Variants in FBXL14 observed in about 807,000 individuals in gnomAD.
FBXL14 encodes the protein F-box/LRR-repeat protein 14.
Under a neutral mutation model 24.5 loss-of-function variants are expected in FBXL14, and 11 were observed. The observed-to-expected ratio is 0.45, with a 90% confidence interval of 0.28 to 0.74. The LOEUF (loss-of-function observed/expected upper bound fraction) is 0.74, where lower values mean the gene tolerates loss of function less well. Among genes scored for constraint, FBXL14 ranks in the 30% least tolerant of loss-of-function variants. FBXL14 has a pLI of 0.12. For synonymous variants in FBXL14, 294 were observed against 240.4 expected (o/e 1.22, Z -2.06); for missense variants, 384 against 545.6 (o/e 0.70, Z 2.95).
intron 1 of FBXL14, among the ~76,000 whole-genome samples, chr12:1,589,453 AAAGAC>A (rs1431856745): frequency 5.1e-5 from 7 of 136,814 alleles, no homozygotes; most frequent in East Asian, 4.0e-4. Flanking sequence ...AAAAAAAAAA[AAAGAC>A]AGGAAGGCAG....
At chr12:1,580,882 G>GC (rs2094464938) in intron 1 of FBXL14, among the ~76,000 whole-genome samples, 1 of 152,136 alleles carries the variant, frequency 6.6e-6, no homozygotes. Flanking sequence ...TAGTTTCTCT[G>GC]CAAGTTCCTG....
intron 1 of FBXL14, among the ~76,000 whole-genome samples, chr12:1,585,481 C>A (rs1195246840): frequency 6.6e-6 from 1 of 151,942 alleles, no homozygotes; most frequent in Non-Finnish European, 1.5e-5. Context: ...ATATTATGAA[C>A]CTTGGTAGGA....
At chr12:1,581,201 A>G (rs2094465601) in intron 1 of FBXL14, among the ~76,000 whole-genome samples, 2 of 142,576 alleles carry the variant, frequency 1.4e-5, no homozygotes, top group South Asian at 5.2e-4. Flanking sequence ...GGGCGAATGG[A>G]CACCTTTAGG....
chr12:1,592,951 G>A lies in FBXL14; in HGVS notation c.1116C>T (p.Arg372=). 6.2e-7 allele frequency: 1 copy of A among 1,612,946 alleles called. No homozygotes were observed. The highest frequency in any genetic ancestry group is 8.5e-7 in the Non-Finnish European group (1 of 1,179,550). Residue 372 remains arginine, a synonymous_variant, in exon 1 of 2, where the codon CGC becomes CGT. Transcript: ENST00000339235. The part of the protein sequence containing the change: ...DLYGCTRITK[R]GLERITQLPC... ...GCAGCTGCGTGATGCGCTCCAGGCC[G>A]CGCTTGGTGATTCGGGTGCAGCCGT...
In FBXL14 at chr12:1,579,324, A is replaced by T. The variant is rs1337187331; in HGVS notation, c.1195-12514T>A. 1.3e-5 allele frequency among the ~76,000 whole-genome samples: 2 copies of T among 152,090 alleles called. No homozygotes were observed. The highest frequency in any genetic ancestry group is 2.4e-5 in the African/African-American group (1 of 41,438). On this transcript the variant is annotated intron_variant, in intron 1 of 1. Transcript: ENST00000339235. This position sits in a 1 kb window ranked among gnomAD's most constrained non-coding sequence, Gnocchi z 4.3. Reference sequence around the variant, plus strand: ...CGAAAACAAAACCAGAGGTTTTAAAAAATAATCTGGGCCGGGCACGGTGGC... The same window carrying T: ...CGAAAACAAAACCAGAGGTTTTAAATAATAATCTGGGCCGGGCACGGTGGC...
At chr12:1,594,802 G>C (rs967396581), upstream of FBXL14, among the ~76,000 whole-genome samples, 1 of 151,050 alleles carries the variant, frequency 6.6e-6, no homozygotes, top group African/African-American at 2.4e-5. Flanking sequence ...GCCCGGGCCG[G>C]CCCCGGCTCC....
intron 1 of FBXL14, among the ~76,000 whole-genome samples, chr12:1,585,650 C>T (rs1462733081): frequency 6.6e-6 from 1 of 152,142 alleles, no homozygotes; most frequent in African/African-American, 2.4e-5. Flanking sequence ...ATTGTTGACA[C>T]CCCACTGTGT....
Position 1,567,415 on chromosome 12 carries a change from C to G in FBXL14, c.1195-605G>C, listed in dbSNP as rs574386088. On this transcript the variant is annotated intron_variant, in intron 1 of 1. Transcript: ENST00000339235. The surrounding 1 kb of genome is among the most constrained non-coding windows in gnomAD (Gnocchi z 4.8). ...GCTGAGGCAAGAGAACCGCTTGAACCGGGAGGCAGAGGTTGCAGTGAGCCA... is the reference window on the plus strand; with the variant it reads ...GCTGAGGCAAGAGAACCGCTTGAACGGGGAGGCAGAGGTTGCAGTGAGCCA... 3.9e-5 allele frequency among the ~76,000 whole-genome samples: 6 copies of G among 152,160 alleles called. No individual in the cohort carries two copies. The highest frequency in any genetic ancestry group is 1.2e-4 in the African/African-American group (5 of 41,510).
chr12:1,584,824 G>T (rs1415149189), intron 1 of FBXL14, among the ~76,000 whole-genome samples: 1 of 152,054 alleles, frequency 6.6e-6, no homozygotes, highest in South Asian at 2.1e-4. Context: ...TGGCCATCTT[G>T]TCGTTGTTGT....
In FBXL14 at chr12:1,566,139, G is replaced by A. The variant is rs1022530109; in HGVS notation, c.*609C>T. ...GTAAACATTATTAATGAATGATAATGATTTGTCAGTGATTGAAATTGTTTC... is the reference window on the plus strand; with the variant it reads ...GTAAACATTATTAATGAATGATAATAATTTGTCAGTGATTGAAATTGTTTC... On this transcript the variant is annotated 3_prime_UTR_variant, in exon 2 of 2. Transcript: ENST00000339235. 1 of 152,614 alleles carries A rather than the reference G, an allele frequency of 6.6e-6. No homozygotes were observed. Among genetic ancestry groups the A allele is most frequent in the East Asian group, 1.9e-4 (1 of 5,196 alleles). 9.5% of individuals were successfully genotyped at this position (152,614 alleles called of 1,614,324 possible). A position where few individuals can be genotyped will look rare whatever the true frequency, so the allele number is the denominator to read the frequency against.
At chr12:1,591,974 G>T (rs2094491177) in intron 1 of FBXL14, among the ~76,000 whole-genome samples, 1 of 152,114 alleles carries the variant, frequency 6.6e-6, no homozygotes, top group Non-Finnish European at 1.5e-5. Context: ...AAATCCCAAT[G>T]AACAAGGAGA....
intron 1 of FBXL14, among the ~76,000 whole-genome samples, chr12:1,574,031 G>C (rs1015282223): frequency 1.5e-4 from 22 of 151,326 alleles, no homozygotes; most frequent in African/African-American, 5.1e-4. Flanking sequence ...AAAAAAAAGA[G>C]TGAAATGGTT....
chr12:1,590,368 TC>T (rs1449549826), intron 1 of FBXL14, among the ~76,000 whole-genome samples: 1 of 152,218 alleles, frequency 6.6e-6, no homozygotes, highest in Non-Finnish European at 1.5e-5. Flanking sequence ...CCAGCCCTCT[TC>T]CTGGAAAGAG....
In FBXL14 at chr12:1,566,777, C is replaced by T. The variant is rs145116646; in HGVS notation, c.1228G>A (p.Val410Met). Residue 410 changes from valine (V) to methionine (M), a missense_variant, in exon 2 of 2, where the codon GTG becomes ATG. Val to Met is a conservative substitution (Grantham distance 21). Coordinates refer to ENST00000339235, the MANE Select transcript of FBXL14 (RefSeq NM_152441.3). Reference sequence around the variant, plus strand: ...CTTCTGGAGCTTCCCCGAGTTCTCACAGTGAATAATGGAGAAAAATCCCCT... The same window carrying T: ...CTTCTGGAGCTTCCCCGAGTTCTCATAGTGAATAATGGAGAAAAATCCCCT... ...ARGDFSPLFTVRTRGSSRR is the reference protein window; with the variant it reads ...ARGDFSPLFTMRTRGSSRR 1.2e-4 allele frequency: 96 copies of T among 780,900 alleles called. No individual in the cohort carries two copies. The highest frequency in any genetic ancestry group is 2.2e-4 in the Non-Finnish European group (90 of 418,102). 48.4% of individuals were successfully genotyped at this position (780,900 alleles called of 1,614,324 possible).
intron 1 of FBXL14, among the ~76,000 whole-genome samples, chr12:1,591,361 T>C (rs2094489504): frequency 6.6e-6 from 1 of 151,512 alleles, no homozygotes; most frequent in African/African-American, 2.4e-5. Context: ...TTTTTTTTTT[T>C]TTCAAAAACA....
In FBXL14 at chr12:1,594,168, C is replaced by T; in HGVS notation, c.-102G>A. 1 of 918,564 alleles carries T rather than the reference C, an allele frequency of 1.1e-6. No individual in the cohort carries two copies. The highest frequency in any genetic ancestry group is 1.4e-6 in the Non-Finnish European group (1 of 718,478). 56.9% of individuals were successfully genotyped at this position (918,564 alleles called of 1,614,324 possible). ...AGCGCTTCTCCCCAGCCGCCGCCGC[C>T]GCCGCCGCCGCCGCCTCGGGCCCAA... On this transcript the variant is annotated 5_prime_UTR_variant, in exon 1 of 2. Coordinates refer to ENST00000339235, the MANE Select transcript of FBXL14 (RefSeq NM_152441.3).
At chr12:1,590,509 C>G (rs2094487040) in intron 1 of FBXL14, among the ~76,000 whole-genome samples, 1 of 152,174 alleles carries the variant, frequency 6.6e-6, no homozygotes, top group Non-Finnish European at 1.5e-5. Context: ...TGTTGGAGCA[C>G]TCACACCCAT....
Position 1,594,509 on chromosome 12 carries a change from C to T in FBXL14, c.-443G>A, listed in dbSNP as rs1022601599. Among the ~76,000 whole-genome samples the T allele has an allele frequency of 3.4e-5, 5 of 147,452 alleles. No individual in the cohort carries two copies. The South Asian group carries it at 1.0e-3, about 31-fold the overall frequency. On this transcript the variant is annotated 5_prime_UTR_variant, in exon 1 of 2. Coordinates refer to ENST00000339235, the MANE Select transcript of FBXL14 (RefSeq NM_152441.3). ...CGCGGGCCGGCGGGCGGCGAGGGGG[C>T]CCCGGGGGCCGGGCGCACGGGCTCC...
Position 1,566,573 on chromosome 12 carries a change from C to T in FBXL14, c.*175G>A, listed in dbSNP as rs1412223734. 7 of 587,114 alleles carry T rather than the reference C, an allele frequency of 1.2e-5. No homozygotes were observed. The highest frequency in any genetic ancestry group is 8.5e-5 in the East Asian group (3 of 35,200). 36.4% of individuals were successfully genotyped at this position (587,114 alleles called of 1,614,324 possible). On this transcript the variant is annotated 3_prime_UTR_variant, in exon 2 of 2. Coordinates refer to ENST00000339235, the MANE Select transcript of FBXL14 (RefSeq NM_152441.3). ...CCACTGTCCCCAGAACTGGAGAAAC[C>T]GGCAGGAGAATGCAGCTTCACAAGG...
Sources: allele counts gnomAD v4.1 joint callset (sites outside exome capture counted in the v4.1 genomes callset), GRCh38; gene constraint gnomAD v4.1.1; non-coding constraint Gnocchi (gnomAD v3.1); transcripts MANE v1.5; gene names NCBI Gene and HGNC (gene_info 2026-07-23, HGNC 2026-07-21).